OR56B1: variants seen among roughly 807,000 people sequenced by gnomAD.
OR56B1 encodes olfactory receptor 56B1.
A neutral mutation model predicts 11.4 loss-of-function variants in OR56B1; 13 were observed. The ratio of observed to expected loss-of-function variants is 1.14; its 90% CI spans 0.74 to 1.81. OR56B1 has a LOEUF of 1.81. OR56B1 is among the 40% of genes most tolerant of loss of function. OR56B1 has a pLI of 0.00. For missense variants in OR56B1, 434 were observed against 379.3 expected (o/e 1.14, Z -1.20); for synonymous variants, 158 against 143.6 (o/e 1.10, Z -0.72).
Position 5,736,479 on chromosome 11 carries a change from G to C in OR56B1, c.-38G>C. 6.3e-7 allele frequency: 1 copy of C among 1,597,474 alleles called. No individual in the cohort carries two copies. The stretch of plus-strand genomic sequence containing the variant: ...GGTGGTTCCAACCTGTGATAACTGA[G>C]AACAATACAAATAGAGATTTGAAAT... On this transcript the variant is annotated 5_prime_UTR_variant, in exon 1 of 1. Coordinates refer to ENST00000317121, the MANE Select transcript of OR56B1 (RefSeq NM_001005180.3).
chr11:5,737,143 G>T lies in OR56B1; in HGVS notation c.627G>T (p.Leu209Phe). ...DDRRPNSICQ[L>F]VLAWLGMGSD... is the part of the protein sequence containing the mutation. ...GGAGGCCAAACAGCATTTGCCAGTT[G>T]GTTCTGGCATGGCTTGGAATGGGGA... Residue 209 changes from leucine to phenylalanine, a missense_variant, in exon 1 of 1, where the codon TTG (leucine) becomes TTT (phenylalanine). Physicochemically the swap from Leu to Phe is conservative, Grantham distance 22 (BLOSUM62 0). Coordinates refer to ENST00000317121, the MANE Select transcript of OR56B1 (RefSeq NM_001005180.3). The T allele has an allele frequency of 6.2e-7, 1 of 1,613,918 alleles. No individual in the cohort carries two copies.
At position 5,737,508 on chromosome 11, in the gene OR56B1, G is replaced by A. The variant is rs750057799; in HGVS notation, c.*17G>A. ...AGATCTTAGAGACCTTCTCCATGAT[G>A]TACATGAACCTCAGCTTCTCCTAAA... On this transcript the variant is annotated 3_prime_UTR_variant, in exon 1 of 1. Transcript: ENST00000317121. 6.3e-7 allele frequency: 1 copy of A among 1,591,280 alleles called. No homozygotes were observed. Among genetic ancestry groups the A allele is most frequent in the Non-Finnish European group, 8.6e-7 (1 of 1,168,378 alleles).
Position 5,737,419 on chromosome 11 carries a change from A to T in OR56B1, c.903A>T (p.Ala301=). ...IPPSLNPTVY[A]LQTKELRAAF... is the part of the protein sequence containing the mutation. Reference sequence around the variant, plus strand: ...CTTCCCTCAACCCTACAGTTTATGCACTTCAGACCAAAGAACTTAGGGCAG... The same window carrying T: ...CTTCCCTCAACCCTACAGTTTATGCTCTTCAGACCAAAGAACTTAGGGCAG... Residue 301 remains alanine, a synonymous_variant, in exon 1 of 1, where the codon GCA becomes GCT. Transcript: ENST00000317121. 1 of 1,614,014 alleles carries T rather than the reference A, an allele frequency of 6.2e-7. No homozygotes were observed. The highest frequency in any genetic ancestry group is 8.5e-7 in the Non-Finnish European group (1 of 1,179,934).
In OR56B1 at chr11:5,738,488, C is replaced by T. The variant is rs1005932198; in HGVS notation, c.*997C>T. ...ACTTGTTTTCTTAAACAACCTACTA[C>T]TCAATACCAACTTCATTAAATTGTC... On this transcript the variant is annotated 3_prime_UTR_variant, in exon 1 of 1. Transcript: ENST00000317121. The T allele has an allele frequency of 1.3e-5, 2 of 152,088 alleles. No individual in the cohort carries two copies. Among genetic ancestry groups the T allele is most frequent in the Non-Finnish European group, 1.5e-5 (1 of 67,992 alleles). 9.4% of individuals were successfully genotyped at this position (152,088 alleles called of 1,614,324 possible).
In OR56B1 at chr11:5,737,025, T is replaced by C; in HGVS notation, c.509T>C (p.Val170Ala). 1 of 1,614,172 alleles carries C rather than the reference T, an allele frequency of 6.2e-7. No homozygotes were observed. Among genetic ancestry groups the C allele is most frequent in the Non-Finnish European group, 8.5e-7 (1 of 1,180,012 alleles). ...RNGLFVTPVP[V>A]LAAQRDYCSK... ...GGCTTATTTGTCACTCCAGTGCCTG[T>C]GCTTGCAGCACAGCGTGATTATTGC... Residue 170 changes from valine (V) to alanine (A), a missense_variant, in exon 1 of 1, where the codon GTG becomes GCG. By Grantham distance (64) the Val-to-Ala change is moderately conservative. Coordinates refer to ENST00000317121, the MANE Select transcript of OR56B1 (RefSeq NM_001005180.3).
Position 5,737,048 on chromosome 11 carries a change from T to C in OR56B1, c.532T>C (p.Cys178Arg), listed in dbSNP as rs1344132898. ...TGTGCTTGCAGCACAGCGTGATTAT[T>C]GCTCCAAGAATGAAATTGAACACTG... ...VPVLAAQRDYCSKNEIEHCLC... is the reference protein window; with the variant it reads ...VPVLAAQRDYRSKNEIEHCLC... The change falls in exon 1 of 1, where the codon TGC (cysteine) becomes CGC (arginine). Residue 178 changes from cysteine (C) to arginine (R), a missense_variant. Transcript: ENST00000317121. The C allele has an allele frequency of 6.2e-7, 1 of 1,614,134 alleles. No individual in the cohort carries two copies. Among genetic ancestry groups the C allele is most frequent in the Non-Finnish European group, 8.5e-7 (1 of 1,180,018 alleles).
At position 5,737,336 on chromosome 11, in the gene OR56B1, G is replaced by A. The variant is rs1853938457; in HGVS notation, c.820G>A (p.Glu274Lys). The A allele has an allele frequency of 1.9e-6, 3 of 1,613,896 alleles. No individual in the cohort carries two copies. Among genetic ancestry groups the A allele is most frequent in the Non-Finnish European group, 2.5e-6 (3 of 1,179,888 alleles). ...AGTGATTTCAGTGACTCATCTGACAGAGATGAAGGCTACTTTGATTCCAGT... is the reference window on the plus strand; with the variant it reads ...AGTGATTTCAGTGACTCATCTGACAAAGATGAAGGCTACTTTGATTCCAGT... ...VVVISVTHLT[E>K]MKATLIPVLL... Residue 274 changes from glutamate to lysine, a missense_variant, in exon 1 of 1, where the codon GAG (glutamate) becomes AAG (lysine). Coordinates refer to ENST00000317121, the MANE Select transcript of OR56B1 (RefSeq NM_001005180.3).
In OR56B1 at chr11:5,736,995, G is replaced by T. The variant is rs1236137280; in HGVS notation, c.479G>T (p.Arg160Ile). 1.2e-6 allele frequency: 2 copies of T among 1,613,988 alleles called. No homozygotes were observed. The highest frequency in any genetic ancestry group is 1.3e-5 in the African/African-American group (1 of 74,930). ...AAAGCTACCCTGTTCATGGTGCTGAGAAATGGCTTATTTGTCACTCCAGTG... is the reference window on the plus strand; with the variant it reads ...AAAGCTACCCTGTTCATGGTGCTGATAAATGGCTTATTTGTCACTCCAGTG... ...ILKATLFMVL[R>I]NGLFVTPVPV... The change falls in exon 1 of 1, where the codon AGA becomes ATA. Residue 160 changes from arginine to isoleucine, a missense_variant. Physicochemically the swap from Arg to Ile is moderately conservative, Grantham distance 97. Transcript: ENST00000317121.
At position 5,736,536 on chromosome 11, in the gene OR56B1, C is replaced by T. The variant is rs1853910517; in HGVS notation, c.20C>T (p.Ser7Phe). 1 of 1,613,536 alleles carries T rather than the reference C, an allele frequency of 6.2e-7. No homozygotes were observed. The highest frequency in any genetic ancestry group is 1.7e-5 in the Admixed American group (1 of 59,964). The change falls in exon 1 of 1, where the codon TCT becomes TTT. Residue 7 changes from serine (S) to phenylalanine (F), a missense_variant. Ser to Phe is a radical substitution (Grantham distance 155). Coordinates refer to ENST00000317121, the MANE Select transcript of OR56B1 (RefSeq NM_001005180.3). ...TGAATCATGAATCATATGTCTGCAT[C>T]TCTCAAAATCTCCAATAGCTCCAAA... The part of the protein sequence containing the change: MNHMSA[S>F]LKISNSSKFQ...
chr11:5,737,184 T>C lies in OR56B1; in HGVS notation c.668T>C (p.Ile223Thr), dbSNP rs1354049364. 6 of 1,614,036 alleles carry C rather than the reference T, an allele frequency of 3.7e-6. No homozygotes were observed. The South Asian group carries it at 6.6e-5, about 18-fold the overall frequency. Residue 223 changes from isoleucine (I) to threonine (T), a missense_variant, in exon 1 of 1, where the codon ATT (isoleucine) becomes ACT (threonine). Ile to Thr is a moderately conservative substitution (Grantham distance 89). Coordinates refer to ENST00000317121, the MANE Select transcript of OR56B1 (RefSeq NM_001005180.3). ...WLGMGSDLSL[I>T]ILSYILILYS... is the part of the protein sequence containing the mutation. The stretch of plus-strand genomic sequence containing the variant: ...GGAATGGGGAGTGATCTAAGTCTTA[T>C]TATACTGTCATATATTTTGATTCTG...
rs140890951 is a variant in OR56B1, at chr11:5,736,782, A to G, written c.266A>G (p.Lys89Arg). The change falls in exon 1 of 1, where the codon AAG (lysine) becomes AGG (arginine). Residue 89 changes from lysine to arginine, a missense_variant. Physicochemically the swap from Lys to Arg is conservative, Grantham distance 26. Coordinates refer to ENST00000317121, the MANE Select transcript of OR56B1 (RefSeq NM_001005180.3). ...DMGLATTIIPKILAIFWFDAK... is the reference protein window; with the variant it reads ...DMGLATTIIPRILAIFWFDAK... ...GGTCTGGCCACTACTATCATCCCTA[A>G]GATCCTGGCCATCTTCTGGTTTGAT... 1.2e-4 allele frequency: 189 copies of G among 1,614,010 alleles called. 1 individual carries two copies. In the East Asian group the frequency reaches 3.9e-3, roughly 33 times the overall value.
Position 5,737,298 on chromosome 11 carries a change from A to G in OR56B1, c.782A>G (p.Tyr261Cys). 1 of 1,614,056 alleles carries G rather than the reference A, an allele frequency of 6.2e-7. No homozygotes were observed. The highest frequency in any genetic ancestry group is 8.5e-7 in the Non-Finnish European group (1 of 1,179,952). The change falls in exon 1 of 1, where the codon TAC becomes TGC. Residue 261 changes from tyrosine (Y) to cysteine (C), a missense_variant. Transcript: ENST00000317121. ...CATCTCACCCTCATCCTTTTCTTTT[A>G]CACTATTGTTGTAGTGATTTCAGTG... ...SSHLTLILFF[Y>C]TIVVVISVTH... is the part of the protein sequence containing the mutation.
chr11:5,736,734 G>A lies in OR56B1; in HGVS notation c.218G>A (p.Gly73Asp), dbSNP rs1284823817. 2 of 1,613,946 alleles carry A rather than the reference G, an allele frequency of 1.2e-6. No individual in the cohort carries two copies. Among genetic ancestry groups the A allele is most frequent in the Admixed American group, 3.3e-5 (2 of 59,960 alleles). ...CAGCAGCCCATGTATATTTTCCTTG[G>A]CATCCTCTGTATGGTAGACATGGGT... ...SLQQPMYIFL[G>D]ILCMVDMGLA... The change falls in exon 1 of 1, where the codon GGC (glycine) becomes GAC (aspartate). Residue 73 changes from glycine to aspartate, a missense_variant. Transcript: ENST00000317121.
Position 5,737,281 on chromosome 11 carries a change from C to A in OR56B1, c.765C>A (p.Thr255=). ...KALSTCSSHL[T]LILFFYTIVV... ...TGAGCACTTGTAGTTCACATCTCAC[C>A]CTCATCCTTTTCTTTTACACTATTG... The change falls in exon 1 of 1, where the codon ACC becomes ACA. Residue 255 remains threonine (T), a synonymous_variant. Coordinates refer to ENST00000317121, the MANE Select transcript of OR56B1 (RefSeq NM_001005180.3). 1.2e-6 allele frequency: 2 copies of A among 1,614,086 alleles called. No homozygotes were observed. The highest frequency in any genetic ancestry group is 1.7e-6 in the Non-Finnish European group (2 of 1,179,966).
At position 5,737,172 on chromosome 11, in the gene OR56B1, A is replaced by G. The variant is rs759473613; in HGVS notation, c.656A>G (p.Asp219Gly). Residue 219 changes from aspartate to glycine, a missense_variant, in exon 1 of 1, where the codon GAT becomes GGT. Coordinates refer to ENST00000317121, the MANE Select transcript of OR56B1 (RefSeq NM_001005180.3). Reference protein sequence around the residue: ...LVLAWLGMGSDLSLIILSYIL... With the variant: ...LVLAWLGMGSGLSLIILSYIL... ...CTGGCATGGCTTGGAATGGGGAGTGATCTAAGTCTTATTATACTGTCATAT... is the reference window on the plus strand; with the variant it reads ...CTGGCATGGCTTGGAATGGGGAGTGGTCTAAGTCTTATTATACTGTCATAT... The G allele has an allele frequency of 1.2e-6, 2 of 1,613,940 alleles. No individual in the cohort carries two copies. The highest frequency in any genetic ancestry group is 3.3e-4 in the Middle Eastern group (2 of 6,062).
chr11:5,737,370 A>G lies in OR56B1; in HGVS notation c.854A>G (p.Asn285Ser), dbSNP rs1853939387. ...MKATLIPVLL[N>S]VLHNIIPPSL... The stretch of plus-strand genomic sequence containing the variant: ...GCTACTTTGATTCCAGTTCTACTTA[A>G]TGTGTTGCACAACATCATCCCCCCT... The change falls in exon 1 of 1, where the codon AAT (asparagine) becomes AGT (serine). Residue 285 changes from asparagine to serine, a missense_variant. Transcript: ENST00000317121. 6.2e-7 allele frequency: 1 copy of G among 1,613,966 alleles called. No individual in the cohort carries two copies.
In OR56B1 at chr11:5,736,857, A is replaced by G. The variant is rs1853921659; in HGVS notation, c.341A>G (p.His114Arg). Residue 114 changes from histidine to arginine, a missense_variant, in exon 1 of 1, where the codon CAC becomes CGC. Physicochemically the swap from His to Arg is conservative, Grantham distance 29. Transcript: ENST00000317121. ...TGCTTTGCTCAGATTTATGCCATTCACTTCTTTGTGGGCATGGAGTCTGGT... is the reference window on the plus strand; with the variant it reads ...TGCTTTGCTCAGATTTATGCCATTCGCTTCTTTGTGGGCATGGAGTCTGGT... ...PECFAQIYAI[H>R]FFVGMESGIL... 6.2e-7 allele frequency: 1 copy of G among 1,613,876 alleles called. No individual in the cohort carries two copies. The highest frequency in any genetic ancestry group is 8.5e-7 in the Non-Finnish European group (1 of 1,179,968).
chr11:5,737,107 T>C lies in OR56B1; in HGVS notation c.591T>C (p.Ala197=). The C allele has an allele frequency of 1.9e-6, 3 of 1,614,032 alleles. 1 individual carries two copies. The South Asian group carries it at 3.3e-5, about 18-fold the overall frequency. The change falls in exon 1 of 1, where the codon GCT becomes GCC. Residue 197 remains alanine, a synonymous_variant. Transcript: ENST00000317121. The part of the protein sequence containing the change: ...LCSNLGVTSL[A]CDDRRPNSIC... ...CTAACCTTGGGGTCACAAGCCTGGC[T>C]TGTGATGACAGGAGGCCAAACAGCA...
Position 5,737,417 on chromosome 11 carries a change from GC to G in OR56B1, c.902del (p.Ala301AspfsTer22). 1 of 1,613,970 alleles carries G rather than the reference GC, an allele frequency of 6.2e-7. No homozygotes were observed. The highest frequency in any genetic ancestry group is 8.5e-7 in the Non-Finnish European group (1 of 1,179,942). On this transcript the variant is annotated frameshift_variant, in exon 1 of 1. Transcript: ENST00000317121. LOFTEE classifies it high-confidence loss of function. ...IPPSLNPTVY[A>X]LQTKELRAAF... ...CCCTTCCCTCAACCCTACAGTTTAT[GC>G]ACTTCAGACCAAAGAACTTAGGGCA... is the stretch of plus-strand genomic sequence containing the variant.
Sources: gnomAD v4.1 joint callset for allele counts on GRCh38, gnomAD v4.1.1 for gene constraint, MANE v1.5 for transcripts, NCBI Gene and HGNC (gene_info 2026-07-23, HGNC 2026-07-21) for gene names.